Variants in MTPN observed in about 807,000 individuals in gnomAD.
The protein encoded by MTPN is myotrophin.
MTPN carries 2 observed loss-of-function variants against 13.5 expected under a neutral mutation model. The ratio of observed to expected loss-of-function variants is 0.15; its 90% CI spans 0.06 to 0.47. The LOEUF is 0.47. MTPN is among the 20% of genes least tolerant of loss of function. The probability of loss-of-function intolerance (pLI) is 0.97; values close to 1 mark genes in which losing one functional copy is unlikely to be tolerated. For synonymous variants in MTPN, 46 were observed against 51.7 expected, an observed-to-expected ratio of 0.89 and a Z score of 0.48; for missense variants, 79 against 137.9, an observed-to-expected ratio of 0.57 and a Z score of 2.14.
chr7:135,953,772 G>A (rs1055167561), intron 1 of MTPN, among the ~76,000 whole-genome samples: 4 of 151,994 alleles, frequency 2.6e-5, no homozygotes, highest in African/African-American at 9.7e-5. Flanking sequence ...TTTTTTGGAG[G>A]ATCAAGAGTT....
chr7:135,962,391 G>C (rs10233137), intron 1 of MTPN, among the ~76,000 whole-genome samples: 40,646 of 151,750 alleles, frequency 0.27, 5,646 homozygotes, highest in African/African-American at 0.27. Flanking sequence ...TACTGATGGA[G>C]CAAAGAAGGA....
intron 3 of MTPN, among the ~76,000 whole-genome samples, chr7:135,949,811 T>C (rs887162548): frequency 1.3e-5 from 2 of 152,222 alleles, no homozygotes; most frequent in Non-Finnish European, 2.9e-5. Flanking sequence ...AAATGCTTTA[T>C]ATACATCTAC....
At chr7:135,960,349 GT>G (rs984786992) in intron 1 of MTPN, among the ~76,000 whole-genome samples, 4 of 151,902 alleles carry the variant, frequency 2.6e-5, no homozygotes, top group African/African-American at 9.7e-5. Context: ...ATGATTTCAT[GT>G]TTTTTTAAAC....
chr7:135,945,504 A>T (rs1172982971), intron 3 of MTPN, among the ~76,000 whole-genome samples: 1 of 152,070 alleles, frequency 6.6e-6, no homozygotes, highest in Non-Finnish European at 1.5e-5. Context: ...TTTTGTTGAA[A>T]ACTAACATAC....
At chr7:135,971,830 GCAAA>G (rs944484035) in intron 1 of MTPN, among the ~76,000 whole-genome samples, 3 of 151,796 alleles carry the variant, frequency 2.0e-5, no homozygotes, top group Admixed American at 6.6e-5. Flanking sequence ...TCTTCCTAAG[GCAAA>G]CAAACAAAAT....
chr7:135,933,921 T>G (rs752531558), intron 3 of MTPN, among the ~76,000 whole-genome samples: 3 of 152,140 alleles, frequency 2.0e-5, no homozygotes, highest in African/African-American at 4.8e-5. Context: ...TCATGAGACC[T>G]GGTTGCTTAA....
intron 3 of MTPN, among the ~76,000 whole-genome samples, chr7:135,935,243 CTTT>C (rs35519952): frequency 1.4e-5 from 2 of 144,928 alleles, no homozygotes; most frequent in Non-Finnish European, 1.5e-5. Flanking sequence ...TGATTTCTTT[CTTT>C]TTTTTTTTTT....
chr7:135,956,250 C>T (rs1376570692), intron 1 of MTPN, among the ~76,000 whole-genome samples: 3 of 152,150 alleles, frequency 2.0e-5, no homozygotes, highest in Non-Finnish European at 2.9e-5. Flanking sequence ...TTCTTCCCTG[C>T]CTCCGGCCTA....
chr7:135,970,849 C>A (rs968380497), intron 1 of MTPN, among the ~76,000 whole-genome samples: 1 of 152,078 alleles, frequency 6.6e-6, no homozygotes, highest in East Asian at 1.9e-4. Context: ...GTATCTTATA[C>A]AAGCTGACAT....
At chr7:135,950,733 C>G in intron 2 of MTPN, 51 bp from the exon 3 acceptor site, 3 of 1,413,094 alleles carry the variant, frequency 2.1e-6, no homozygotes, top group Non-Finnish European at 3.0e-6. Context: ...TTTCTTCCTA[C>G]TTTCTAGTTT....
chr7:135,937,203 CAA>C (rs1437066609), intron 3 of MTPN, among the ~76,000 whole-genome samples: 3 of 152,216 alleles, frequency 2.0e-5, no homozygotes, highest in East Asian at 1.9e-4. Context: ...ATTATCTTGA[CAA>C]GAGGCTTTTG....
chr7:135,971,497 G>A (rs1799693252), intron 1 of MTPN, among the ~76,000 whole-genome samples: 1 of 152,024 alleles, frequency 6.6e-6, no homozygotes. Flanking sequence ...GAAGGTCAAG[G>A]GTATGCTGAA....
At position 135,928,475 on chromosome 7, in the gene MTPN, A is replaced by C. The variant is rs1798964064; in HGVS notation, c.*1451T>G. ...CAATTCAATTATTATCCACAATCTG[A>C]GTATCAGTCCCTAACCCACCCTCCC... On this transcript the variant is annotated 3_prime_UTR_variant, in exon 4 of 4. Transcript: ENST00000393085. 1 of 167,060 alleles carries C rather than the reference A, an allele frequency of 6.0e-6. No individual in the cohort carries two copies. The highest frequency in any genetic ancestry group is 1.5e-5 in the Non-Finnish European group (1 of 68,114). 10.3% of individuals were successfully genotyped at this position (167,060 alleles called of 1,614,324 possible). A position where few individuals can be genotyped will look rare whatever the true frequency, so the allele number is the denominator to read the frequency against.
chr7:135,955,620 T>A (rs1392496356), intron 1 of MTPN, among the ~76,000 whole-genome samples: 1 of 152,130 alleles, frequency 6.6e-6, no homozygotes, highest in South Asian at 2.1e-4. Flanking sequence ...AAAGATGTTA[T>A]AAGAAAATAC....
chr7:135,946,796 T>C (rs949047284), intron 3 of MTPN, among the ~76,000 whole-genome samples: 12 of 152,228 alleles, frequency 7.9e-5, no homozygotes, highest in African/African-American at 2.2e-4. Context: ...CTGCCTATTA[T>C]TGCTTTGATA....
chr7:135,954,036 T>A (rs999643769), intron 1 of MTPN, among the ~76,000 whole-genome samples: 11 of 152,326 alleles, frequency 7.2e-5, no homozygotes, highest in Admixed American at 5.9e-4. Context: ...GGAGACCAGG[T>A]TAGCACTCCA....
chr7:135,955,760 T>C (rs1299563195), intron 1 of MTPN, among the ~76,000 whole-genome samples: 1 of 152,252 alleles, frequency 6.6e-6, no homozygotes, highest in East Asian at 1.9e-4. Context: ...ATAAGGTTGA[T>C]TTAATATTCG....
At chr7:135,933,969 C>T (rs1799071048) in intron 3 of MTPN, among the ~76,000 whole-genome samples, 1 of 152,122 alleles carries the variant, frequency 6.6e-6, no homozygotes, top group African/African-American at 2.4e-5. Context: ...TCTCTCCTGC[C>T]ACCATGAGAA....
chr7:135,932,869 C>T (rs1799046009), intron 3 of MTPN: 1 of 152,146 alleles, frequency 6.6e-6, no homozygotes, highest in African/African-American at 2.4e-5. Context: ...GCAGGTGGAT[C>T]ACCTGAGGCC....
Sources: allele counts gnomAD v4.1 joint callset (sites outside exome capture counted in the v4.1 genomes callset), GRCh38; gene constraint gnomAD v4.1.1; transcripts MANE v1.5; gene names NCBI Gene and HGNC (gene_info 2026-07-23, HGNC 2026-07-21).